Variants in RPS6KA5 observed in about 807,000 individuals in gnomAD.
RPS6KA5 encodes ribosomal protein S6 kinase alpha-5.
Under a neutral mutation model 85.5 loss-of-function variants are expected in RPS6KA5, and 27 were observed. The ratio of observed to expected loss-of-function variants is 0.32; its 90% CI spans 0.23 to 0.44. The LOEUF (loss-of-function observed/expected upper bound fraction) is 0.44. Among genes scored for constraint, RPS6KA5 ranks in the 20% least tolerant of loss-of-function variants. The pLI is 1.00. For synonymous variants in RPS6KA5, 334 were observed against 348.2 expected, an observed-to-expected ratio of 0.96 and a Z score of 0.46; for missense variants, 811 against 980.9, an observed-to-expected ratio of 0.83 and a Z score of 2.31.
intron 1 of RPS6KA5, among the ~76,000 whole-genome samples, chr14:91,051,224 G>A (rs973016859): frequency 1.3e-5 from 2 of 151,594 alleles, no homozygotes; most frequent in African/African-American, 2.4e-5. Flanking sequence ...GAGCGACAGA[G>A]TGGGACCCTG....
chr14:91,005,648 G>A (rs558322721), intron 1 of RPS6KA5, among the ~76,000 whole-genome samples: 2 of 152,208 alleles, frequency 1.3e-5, no homozygotes, highest in East Asian at 3.9e-4. Context: ...TGTGAGTCTA[G>A]GTGTCTAAAT....
At chr14:90,877,562 GGCTTCCTT>G (rs2033560121) in intron 14 of RPS6KA5, among the ~76,000 whole-genome samples, 1 of 152,104 alleles carries the variant, frequency 6.6e-6, no homozygotes, top group Admixed American at 6.5e-5. Flanking sequence ...TCCCTTCACT[GGCTTCCTT>G]CAGTCTCTGA....
rs541633712 is a variant in RPS6KA5, at chr14:91,036,141, G to T, written c.103+24191C>A. Among the ~76,000 whole-genome samples, 46 of 152,246 alleles carry T rather than the reference G, an allele frequency of 3.0e-4. No individual in the cohort carries two copies. The South Asian group carries it at 9.3e-3, about 31-fold the overall frequency. On this transcript the variant is annotated intron_variant, in intron 1 of 16. Coordinates refer to ENST00000614987, the MANE Select transcript of RPS6KA5 (RefSeq NM_004755.4). The stretch of plus-strand genomic sequence containing the variant: ...ACAGTGAAGCACAGGAAAAGGAAAA[G>T]AATTTATTGACAAATGGATGGGCAT...
In RPS6KA5 at chr14:90,875,374, A is replaced by G; in HGVS notation, c.1837-14T>C. ...CAACATTGTGTACTATCAGGGAAAAAGTAACAAAACAGAATGACTACCCAG... is the reference window on the plus strand; with the variant it reads ...CAACATTGTGTACTATCAGGGAAAAGGTAACAAAACAGAATGACTACCCAG... On this transcript the variant is annotated splice_polypyrimidine_tract_variant and intron_variant, in intron 14 of 16. Transcript: ENST00000614987. 6.2e-7 allele frequency: 1 copy of G among 1,607,284 alleles called. No homozygotes were observed. Among genetic ancestry groups the G allele is most frequent in the Non-Finnish European group, 8.5e-7 (1 of 1,176,000 alleles).
intron 2 of RPS6KA5, among the ~76,000 whole-genome samples, chr14:90,990,385 C>A (rs1160329966): frequency 6.6e-6 from 1 of 152,100 alleles, no homozygotes; most frequent in African/African-American, 2.4e-5. Flanking sequence ...ATAACAGATA[C>A]TGGTGAGGTT....
chr14:90,904,118 T>G lies in RPS6KA5; in HGVS notation c.958-1149A>C, dbSNP rs371813808. Among the ~76,000 whole-genome samples, 3 of 152,064 alleles carry G rather than the reference T, an allele frequency of 2.0e-5. No homozygotes were observed. In the East Asian group the frequency reaches 5.8e-4, roughly 29 times the overall value. On this transcript the variant is annotated intron_variant, in intron 8 of 16. Transcript: ENST00000614987. The stretch of plus-strand genomic sequence containing the variant: ...GCGACCGCCACCATGCCCGGCTAAT[T>G]TTTTGTATTTTTAGCAGAGACAGGG...
chr14:90,923,047 G>GTTAA, intron 6 of RPS6KA5, 66 bp downstream of exon 6: 2 of 1,198,022 alleles, frequency 1.7e-6, no homozygotes, highest in Non-Finnish European at 2.4e-6. Context: ...GACCTAAGTT[G>GTTAA]TTAACTAGGA....
intron 2 of RPS6KA5, among the ~76,000 whole-genome samples, chr14:90,987,698 GCCACAACAACAA>G (rs2040115841): frequency 1.5e-5 from 2 of 137,144 alleles, no homozygotes; most frequent in African/African-American, 3.1e-5. Context: ...AGCAGCAGCA[GCCACAACAACAA>G]CAACAACAAC....
intron 1 of RPS6KA5, among the ~76,000 whole-genome samples, chr14:91,022,407 T>C (rs12436076): frequency 0.13 from 20,450 of 152,252 alleles, 1,669 homozygotes; most frequent in East Asian, 0.31. Context: ...AAGCCTGGTC[T>C]GCTACCCATC....
At chr14:90,903,279 A>C (rs985955258) in intron 8 of RPS6KA5, among the ~76,000 whole-genome samples, 6 of 152,198 alleles carry the variant, frequency 3.9e-5, no homozygotes, top group African/African-American at 1.4e-4. Flanking sequence ...GCCTCCTCAG[A>C]AAGGTGTTAA....
intron 1 of RPS6KA5, among the ~76,000 whole-genome samples, chr14:91,049,033 C>A (rs945756852): frequency 3.9e-5 from 6 of 152,158 alleles, no homozygotes; most frequent in African/African-American, 1.2e-4. Context: ...GACTTAACAT[C>A]TGAGGCTTTT....
intron 7 of RPS6KA5, among the ~76,000 whole-genome samples, chr14:90,910,500 T>C (rs1477092957): frequency 1.3e-5 from 2 of 151,688 alleles, no homozygotes; most frequent in Non-Finnish European, 2.9e-5. Context: ...CTGTAACAAA[T>C]GTTTGAAAAC....
chr14:90,872,567 A>T (rs1595091798), intron 16 of RPS6KA5, among the ~76,000 whole-genome samples: 1 of 152,308 alleles, frequency 6.6e-6, no homozygotes, highest in Non-Finnish European at 1.5e-5. Context: ...CACAATTCTA[A>T]TAAATCTTTT....
intron 3 of RPS6KA5, among the ~76,000 whole-genome samples, chr14:90,955,052 T>C (rs549540668): frequency 1.3e-4 from 20 of 152,318 alleles, no homozygotes; most frequent in African/African-American, 4.6e-4. Context: ...TTTGGTTTCA[T>C]TGATTTTCTC....
At chr14:91,014,131 T>C (rs868487817) in intron 1 of RPS6KA5, among the ~76,000 whole-genome samples, 1 of 152,162 alleles carries the variant, frequency 6.6e-6, no homozygotes, top group African/African-American at 2.4e-5. Flanking sequence ...AAGAGTGAAC[T>C]TTATTGCATG....
rs2031946269 is a variant in RPS6KA5, at chr14:90,850,479, AAAC to A, written c.*21592_*21594del. Reference sequence around the variant, plus strand: ...GAAACCATACAAAAAAAAAAAAAAAAAACAGAAAATATTACATAACCAGGCCTT... The same window carrying A: ...GAAACCATACAAAAAAAAAAAAAAAAAGAAAATATTACATAACCAGGCCTT... On this transcript the variant is annotated 3_prime_UTR_variant, in exon 17 of 17. Transcript: ENST00000614987. 4.7e-5 allele frequency: 7 copies of A among 148,690 alleles called. No individual in the cohort carries two copies. Among genetic ancestry groups the A allele is most frequent in the African/African-American group, 7.4e-5 (3 of 40,370 alleles). 9.2% of individuals were successfully genotyped at this position (148,690 alleles called of 1,614,324 possible).
chr14:91,054,619 C>T (rs1229241509), intron 1 of RPS6KA5, among the ~76,000 whole-genome samples: 3 of 142,366 alleles, frequency 2.1e-5, no homozygotes, highest in Non-Finnish European at 4.5e-5. Context: ...CTGGGCAACA[C>T]AGCAAGACTC....
At position 90,871,067 on chromosome 14, in the gene RPS6KA5, C is replaced by T; in HGVS notation, c.*1007G>A. ...TATGACTACAGGAGGAAATTCCTCA[C>T]TGTAGTACAACACAGTGTACAAATA... is the stretch of plus-strand genomic sequence containing the variant. On this transcript the variant is annotated 3_prime_UTR_variant, in exon 17 of 17. Coordinates refer to ENST00000614987, the MANE Select transcript of RPS6KA5 (RefSeq NM_004755.4). 1 of 152,456 alleles carries T rather than the reference C, an allele frequency of 6.6e-6. No homozygotes were observed. The highest frequency in any genetic ancestry group is 2.1e-4 in the South Asian group (1 of 4,824). The allele number at this position is 152,456 out of a possible 1,614,324, so 9.4% of individuals were successfully genotyped here. A position where few individuals can be genotyped will look rare whatever the true frequency, so the allele number is the denominator to read the frequency against.
chr14:90,991,230 T>C (rs889648195), intron 2 of RPS6KA5, among the ~76,000 whole-genome samples: 4 of 152,196 alleles, frequency 2.6e-5, no homozygotes, highest in Non-Finnish European at 4.4e-5. Context: ...CAGCATATGA[T>C]ATTAAAATGC....
Sources: allele counts gnomAD v4.1 joint callset (sites outside exome capture counted in the v4.1 genomes callset), GRCh38; gene constraint gnomAD v4.1.1; transcripts MANE v1.5; gene names NCBI Gene and HGNC (gene_info 2026-07-23, HGNC 2026-07-21).